The following SLC39A10 variants were observed in gnomAD, a reference collection of about 807,000 sequenced individuals.
SLC39A10 encodes solute carrier family 39 member 10.
A neutral mutation model predicts 65.1 loss-of-function variants in SLC39A10; 13 were observed. The observed-to-expected ratio is 0.20, with a 90% CI of 0.13 to 0.32. The LOEUF (loss-of-function observed/expected upper bound fraction) is 0.32, where lower values mean the gene tolerates loss of function less well. Among genes scored for constraint, SLC39A10 ranks in the 10% least tolerant of loss-of-function variants. The probability of loss-of-function intolerance (pLI) is 1.00; values close to 1 mark genes in which losing one functional copy is unlikely to be tolerated. For missense variants in SLC39A10, 831 were observed against 1,018.4 expected, an observed-to-expected ratio of 0.82 and a Z score of 2.50; for synonymous variants, 321 against 342.2, an observed-to-expected ratio of 0.94 and a Z score of 0.68.
chr2:195,689,339 C>T (rs1411585366), intron 3 of SLC39A10, among the ~76,000 whole-genome samples: 2 of 151,930 alleles, frequency 1.3e-5, no homozygotes, highest in Non-Finnish European at 2.9e-5. Flanking sequence ...GGAGGATGAC[C>T]TTAGCGTGGG....
intron 1 of SLC39A10, among the ~76,000 whole-genome samples, chr2:195,677,101 G>A (rs1690120511): frequency 6.6e-6 from 1 of 152,154 alleles, no homozygotes; most frequent in Admixed American, 6.5e-5. Flanking sequence ...TATTGAAATA[G>A]ACTGTGTTCA....
At chr2:195,694,979 G>A (rs973820615) in intron 3 of SLC39A10, among the ~76,000 whole-genome samples, 6 of 152,112 alleles carry the variant, frequency 3.9e-5, no homozygotes, top group Non-Finnish European at 8.8e-5. Context: ...CAGACTCTCC[G>A]CGGGGCCGGA....
intron 3 of SLC39A10, among the ~76,000 whole-genome samples, chr2:195,700,572 G>A (rs1450849170): frequency 6.6e-6 from 1 of 152,116 alleles, no homozygotes; most frequent in Non-Finnish European, 1.5e-5. Context: ...TCCCCTTGAA[G>A]GACTCTCTTA....
At chr2:195,709,020 T>G (rs546312401) in intron 5 of SLC39A10, among the ~76,000 whole-genome samples, 176 bp downstream of exon 5, 7 of 152,062 alleles carry the variant, frequency 4.6e-5, no homozygotes, top group East Asian at 1.9e-4. Context: ...AATATGTGGT[T>G]GTTGTTGTTG....
upstream of SLC39A10, chr2:195,656,938 G>T (rs1325459986): frequency 6.6e-6 from 1 of 152,296 alleles, no homozygotes; most frequent in Non-Finnish European, 1.5e-5. Flanking sequence ...AACAAAACTA[G>T]CGCGGAGCCA....
chr2:195,727,427 C>T (rs1038673126), intron 8 of SLC39A10, among the ~76,000 whole-genome samples: 10 of 152,106 alleles, frequency 6.6e-5, no homozygotes, highest in Middle Eastern at 3.4e-3. Context: ...GGAGCCTCAG[C>T]CAGATATTTA....
intron 2 of SLC39A10, among the ~76,000 whole-genome samples, chr2:195,632,491 G>T (rs1163512446): frequency 6.6e-6 from 1 of 151,480 alleles, no homozygotes; most frequent in African/African-American, 2.4e-5. Flanking sequence ...TAGAGACAGG[G>T]TTTCACTATG....
intron 3 of SLC39A10, among the ~76,000 whole-genome samples, 183 bp downstream of exon 3, chr2:195,684,089 TG>T: frequency 6.6e-6 from 1 of 152,032 alleles, no homozygotes; most frequent in Non-Finnish European, 1.5e-5. Context: ...GGGCACAATG[TG>T]TTTTATTTAT....
intron 6 of SLC39A10, among the ~76,000 whole-genome samples, chr2:195,715,252 G>C (rs1388116616): frequency 6.6e-6 from 1 of 152,012 alleles, no homozygotes; most frequent in Non-Finnish European, 1.5e-5. Context: ...TAGTGGCTGG[G>C]TGCGGTGGCT....
intron 2 of SLC39A10, among the ~76,000 whole-genome samples, chr2:195,644,983 C>T (rs1688883919): frequency 6.6e-6 from 1 of 151,640 alleles, no homozygotes; most frequent in Non-Finnish European, 1.5e-5. Flanking sequence ...GATCTCGGCT[C>T]ACCGCAACCT....
At chr2:195,695,517 C>T (rs72913236) in intron 3 of SLC39A10, among the ~76,000 whole-genome samples, 1 of 152,148 alleles carries the variant, frequency 6.6e-6, no homozygotes, top group East Asian at 1.9e-4. Flanking sequence ...GAGAACTGCC[C>T]GAGATCACCA....
intron 8 of SLC39A10, among the ~76,000 whole-genome samples, chr2:195,724,495 C>T (rs550143825): frequency 1.3e-5 from 2 of 152,192 alleles, no homozygotes; most frequent in South Asian, 4.1e-4. Flanking sequence ...AAATAATTCA[C>T]TTGATACAAA....
chr2:195,616,596 C>T (rs150675245), intron 2 of SLC39A10, among the ~76,000 whole-genome samples: 381 of 151,706 alleles, frequency 2.5e-3, no homozygotes, highest in Non-Finnish European at 4.5e-3. Context: ...TGAGCCACCG[C>T]GCCTGGCCTG....
rs554424071 is a variant in SLC39A10 at position 195,657,422 on chromosome 2, G to C, written c.-12+141G>C. ...AGTCGGGGCTGGTTCCCTCGGGGATGCGGGCGCTGGGGTTCCCGCAGCTGC... is the reference window on the plus strand; with the variant it reads ...AGTCGGGGCTGGTTCCCTCGGGGATCCGGGCGCTGGGGTTCCCGCAGCTGC... On this transcript the variant is annotated intron_variant, in intron 1 of 9. Transcript: ENST00000359634. 2.4e-4 allele frequency: 234 copies of C among 985,726 alleles called. No individual in the cohort carries two copies. The African/African-American group carries it at 3.7e-3, about 16-fold the overall frequency. 61.1% of individuals were successfully genotyped at this position (985,726 alleles called of 1,614,324 possible).
intron 2 of SLC39A10, among the ~76,000 whole-genome samples, chr2:195,651,615 C>T (rs1016284720): frequency 6.6e-6 from 1 of 152,148 alleles, no homozygotes; most frequent in Non-Finnish European, 1.5e-5. Flanking sequence ...GCTAGGATTG[C>T]AGGCGCTTGC....
intron 2 of SLC39A10, among the ~76,000 whole-genome samples, chr2:195,614,225 G>A (rs1343349428): frequency 6.6e-6 from 1 of 152,236 alleles, no homozygotes; most frequent in Non-Finnish European, 1.5e-5. Flanking sequence ...GTAGGAGCTT[G>A]AGAAGTATTT....
intron 2 of SLC39A10, among the ~76,000 whole-genome samples, chr2:195,641,841 A>G (rs6760020): frequency 0.29 from 44,205 of 151,806 alleles, 7,771 homozygotes; most frequent in East Asian, 0.66. Flanking sequence ...ACAGACGTGC[A>G]CCACCACACC....
In SLC39A10 at chr2:195,693,351, G is replaced by A. The variant is rs543820108; in HGVS notation, c.1216+9445G>A. Among the ~76,000 whole-genome samples, 3 of 152,220 alleles carry A rather than the reference G, an allele frequency of 2.0e-5. No homozygotes were observed. The East Asian group carries it at 5.8e-4, about 29-fold the overall frequency. ...ATACTTGCTTCATAGAATGATTTAG[G>A]GAAGATTCCCTCCTTTTGTATCCTG... On this transcript the variant is annotated intron_variant, in intron 3 of 9. Coordinates refer to ENST00000359634, the MANE Select transcript of SLC39A10 (RefSeq NM_020342.3).
At position 195,735,435 on chromosome 2, in the gene SLC39A10, A is replaced by T. The variant is rs892044705; in HGVS notation, c.*394A>T. The T allele has an allele frequency of 1.3e-5, 2 of 154,046 alleles. No individual in the cohort carries two copies. The highest frequency in any genetic ancestry group is 4.8e-5 in the African/African-American group (2 of 41,498). 9.5% of individuals were successfully genotyped at this position (154,046 alleles called of 1,614,324 possible). ...TATTTTAAATGGACTTTGGGGAGACATTTTTTGTGTGTTTTAAGAATGAAT... is the reference window on the plus strand; with the variant it reads ...TATTTTAAATGGACTTTGGGGAGACTTTTTTTGTGTGTTTTAAGAATGAAT... On this transcript the variant is annotated 3_prime_UTR_variant, in exon 10 of 10. Coordinates refer to ENST00000359634, the MANE Select transcript of SLC39A10 (RefSeq NM_020342.3).
Sources: allele counts gnomAD v4.1 joint callset (sites outside exome capture counted in the v4.1 genomes callset), GRCh38; gene constraint gnomAD v4.1.1; transcripts MANE v1.5; gene names NCBI Gene and HGNC (gene_info 2026-07-23, HGNC 2026-07-21).